The following DMXL2 variants were observed in gnomAD, a reference collection of about 807,000 sequenced individuals.
DMXL2 encodes the protein dmX-like protein 2.
In DMXL2, 103 loss-of-function variants were observed where a neutral mutation model predicts 331.1. The ratio of observed to expected loss-of-function variants is 0.31; its 90% CI spans 0.27 to 0.37. The LOEUF (loss-of-function observed/expected upper bound fraction) is 0.37. DMXL2 is among the 10% of genes least tolerant of loss of function. DMXL2 has a pLI of 1.00. For missense variants in DMXL2, 3,171 were observed against 3,642.9 expected (o/e 0.87, Z 3.33); for synonymous variants, 1,281 against 1,252.1 (o/e 1.02, Z -0.49).
chr15:51,509,777 C>T (rs2046639750), intron 15 of DMXL2, among the ~76,000 whole-genome samples: 1 of 152,148 alleles, frequency 6.6e-6, no homozygotes, highest in Non-Finnish European at 1.5e-5. Context: ...AGGCCAATAT[C>T]CCTGATGAAC....
At chr15:51,526,085 A>G (rs543241219) in intron 13 of DMXL2, among the ~76,000 whole-genome samples, 24 of 144,124 alleles carry the variant, frequency 1.7e-4, no homozygotes, top group Admixed American at 9.8e-4. Context: ...TCCCATCTCT[A>G]GATGGCTCAG....
chr15:51,456,194 C>T lies in DMXL2; in HGVS notation c.8399-1G>A, dbSNP rs1439830313. 1 of 1,608,522 alleles carries T rather than the reference C, an allele frequency of 6.2e-7. No homozygotes were observed. ...CTGCCGTCCTGAGCACCTGTAAGAT[C>T]TGAAACACAAGAGAAAAAGCAGGAA... is the stretch of plus-strand genomic sequence containing the variant. On this transcript the variant is annotated splice_acceptor_variant, in intron 38 of 43. Transcript: ENST00000560891. LOFTEE classifies it high-confidence loss of function.
rs140980056 is a variant in DMXL2 at position 51,596,880 on chromosome 15, A to G, written c.88-20699T>C. Among the ~76,000 whole-genome samples, 1,148 of 152,094 alleles carry G rather than the reference A, an allele frequency of 7.5e-3. 15 individuals carry two copies. Among genetic ancestry groups the G allele is most frequent in the African/African-American group, 0.026 (1,097 of 41,504 alleles). ...GGTGGGAACTGAACAATAAGAACAC[A>G]TGGACACAGGAAGGGGAACATCACA... On this transcript the variant is annotated intron_variant, in intron 1 of 43. Transcript: ENST00000560891.
At position 51,536,438 on chromosome 15, in the gene DMXL2, C is replaced by A. The variant is rs758267999; in HGVS notation, c.2042G>T (p.Cys681Phe). The change falls in exon 12 of 44, where the codon TGT (cysteine) becomes TTT (phenylalanine). Residue 681 changes from cysteine (C) to phenylalanine (F), a missense_variant. By Grantham distance (205) the Cys-to-Phe change is radical. Coordinates refer to ENST00000560891, the MANE Select transcript of DMXL2 (RefSeq NM_001378457.1). Reference sequence around the variant, plus strand: ...TAATTTATTGTCTGAGTCCCACTGACAATCTAATTCAGGAGTCAATAGAGC... The same window carrying A: ...TAATTTATTGTCTGAGTCCCACTGAAAATCTAATTCAGGAGTCAATAGAGC... ...HNALLTPELDCQWDSDNKLSR... is the reference protein window; with the variant it reads ...HNALLTPELDFQWDSDNKLSR... 1 of 1,613,964 alleles carries A rather than the reference C, an allele frequency of 6.2e-7. No individual in the cohort carries two copies. The highest frequency in any genetic ancestry group is 1.7e-5 in the Admixed American group (1 of 59,978).
intron 13 of DMXL2, among the ~76,000 whole-genome samples, chr15:51,521,484 T>C (rs1159767719): frequency 1.3e-5 from 2 of 150,922 alleles, no homozygotes; most frequent in Non-Finnish European, 2.9e-5. Flanking sequence ...GTAGTAGTAG[T>C]AGTAGCAGCA....
intron 18 of DMXL2, among the ~76,000 whole-genome samples, chr15:51,496,010 A>T (rs2043148970): frequency 6.6e-6 from 1 of 152,048 alleles, no homozygotes; most frequent in Non-Finnish European, 1.5e-5. Flanking sequence ...CCTAATATGT[A>T]TCTATTTATT....
In DMXL2 at chr15:51,449,017, A is replaced by T; in HGVS notation, c.9144T>A (p.Phe3048Leu). 6.2e-7 allele frequency: 1 copy of T among 1,614,190 alleles called. No homozygotes were observed. ...TLKTRVLPNA[F>L]NIPNRILDIL ...TGTCAAGAATTCTGTTAGGGATGTT[A>T]AAAGCATTGGGCAAAACCCTGGTTT... Residue 3048 changes from phenylalanine to leucine, a missense_variant, in exon 44 of 44, where the codon TTT becomes TTA. Physicochemically the swap from Phe to Leu is conservative, Grantham distance 22. Transcript: ENST00000560891.
Position 51,564,767 on chromosome 15 carries a change from T to C in DMXL2, c.364+321A>G, listed in dbSNP as rs977910106. Among the ~76,000 whole-genome samples, 7 of 152,232 alleles carry C rather than the reference T, an allele frequency of 4.6e-5. 1 individual carries two copies. The South Asian group carries it at 8.3e-4, about 18-fold the overall frequency. ...TCCTGATACAAATGATAAAATGAGG[T>C]GAAGTTTTTTTGGTCTCTGTTTTAT... On this transcript the variant is annotated intron_variant, in intron 4 of 43. Coordinates refer to ENST00000560891, the MANE Select transcript of DMXL2 (RefSeq NM_001378457.1).
At chr15:51,493,081 G>C (rs1022769705) in intron 19 of DMXL2, among the ~76,000 whole-genome samples, 5 of 151,888 alleles carry the variant, frequency 3.3e-5, no homozygotes, top group Non-Finnish European at 5.9e-5. Flanking sequence ...AACATGTCTT[G>C]GCTGCCACTA....
chr15:51,620,621 G>C (rs562582121), intron 1 of DMXL2, among the ~76,000 whole-genome samples: 1 of 152,334 alleles, frequency 6.6e-6, no homozygotes, highest in East Asian at 1.9e-4. Context: ...GCGGTGTGGA[G>C]GATGAAGAAG....
At chr15:51,513,888 T>C (rs574962067) in intron 15 of DMXL2, among the ~76,000 whole-genome samples, 1 of 152,290 alleles carries the variant, frequency 6.6e-6, no homozygotes, top group East Asian at 1.9e-4. Context: ...AGCTAAGTTA[T>C]AAAGTTTAAA....
At chr15:51,457,097 A>T (rs2039693203) in intron 37 of DMXL2, among the ~76,000 whole-genome samples, 1 of 152,204 alleles carries the variant, frequency 6.6e-6, no homozygotes, top group Non-Finnish European at 1.5e-5. Flanking sequence ...AATTGAGCCC[A>T]GGAGGTCAAG....
intron 25 of DMXL2, among the ~76,000 whole-genome samples, chr15:51,479,533 AAT>A: frequency 6.6e-6 from 1 of 152,316 alleles, no homozygotes; most frequent in Non-Finnish European, 1.5e-5. Flanking sequence ...AGGAAACAGT[AAT>A]AAGGACACTC....
In DMXL2 at chr15:51,480,986, T is replaced by C. The variant is rs138871945; in HGVS notation, c.6120A>G (p.Glu2040=). Residue 2040 remains glutamate (E), a synonymous_variant, in exon 24 of 44, where the codon GAA becomes GAG. Transcript: ENST00000560891. ...EGDTEVDVIA[E]QLKFRACLKI... is the part of the protein sequence containing the mutation. Reference sequence around the variant, plus strand: ...TTAAACAAGCTCTGAATTTTAGTTGTTCAGCAATCACATCAACTTCAGTAT... The same window carrying C: ...TTAAACAAGCTCTGAATTTTAGTTGCTCAGCAATCACATCAACTTCAGTAT... 4.5e-5 allele frequency: 72 copies of C among 1,614,062 alleles called. No homozygotes were observed. Among genetic ancestry groups the C allele is most frequent in the Non-Finnish European group, 6.0e-5 (71 of 1,180,030 alleles).
At chr15:51,496,371 C>T (rs2043179515) in intron 18 of DMXL2, among the ~76,000 whole-genome samples, 1 of 152,064 alleles carries the variant, frequency 6.6e-6, no homozygotes, top group South Asian at 2.1e-4. Context: ...CTATTTCATA[C>T]AGTGTGGCCA....
chr15:51,562,615 G>C (rs2050041062), intron 6 of DMXL2, among the ~76,000 whole-genome samples: 1 of 152,048 alleles, frequency 6.6e-6, no homozygotes, highest in Admixed American at 6.6e-5. Flanking sequence ...ACTGAGAAAA[G>C]AGTCAAAGCA....
rs750889908 is a variant in DMXL2 at position 51,535,780 on chromosome 15, T to C, written c.2319A>G (p.Thr773=). Residue 773 remains threonine (T), a synonymous_variant, in exon 13 of 44, where the codon ACA becomes ACG. Coordinates refer to ENST00000560891, the MANE Select transcript of DMXL2 (RefSeq NM_001378457.1). The stretch of plus-strand genomic sequence containing the variant: ...AGCAAGCACTTGCAGAATTGCAGTA[T>C]GTGCCTGAGAAAGGAAAACAAGGCC... ...PTLIPSYCLG[T]YCNSASACFV... The C allele has an allele frequency of 6.2e-7, 1 of 1,600,844 alleles. No homozygotes were observed. The highest frequency in any genetic ancestry group is 1.1e-5 in the South Asian group (1 of 87,998).
intron 2 of DMXL2, among the ~76,000 whole-genome samples, chr15:51,573,952 G>A (rs577775486): frequency 2.8e-3 from 424 of 152,060 alleles, no homozygotes; most frequent in African/African-American, 9.8e-3. Context: ...ATCTTTGTCA[G>A]AAACTTTATA....
In DMXL2 at chr15:51,456,155, C is replaced by T. The variant is rs776064763; in HGVS notation, c.8437G>A (p.Glu2813Lys). 1.2e-6 allele frequency: 2 copies of T among 1,614,174 alleles called. No homozygotes were observed. Among genetic ancestry groups the T allele is most frequent in the Admixed American group, 3.3e-5 (2 of 60,026 alleles). The part of the protein sequence containing the change: ...GAQDGSVRMF[E>K]WTRPQQLVCF... ...ACAAGTTGCTGAGGCCGCGTCCATTCAAACATTCGTACACTGCCGTCCTGA... is the reference window on the plus strand; with the variant it reads ...ACAAGTTGCTGAGGCCGCGTCCATTTAAACATTCGTACACTGCCGTCCTGA... The change falls in exon 39 of 44, where the codon GAA becomes AAA. Residue 2813 changes from glutamate to lysine, a missense_variant. Physicochemically the swap from Glu to Lys is moderately conservative, Grantham distance 56 (BLOSUM62 1). Coordinates refer to ENST00000560891, the MANE Select transcript of DMXL2 (RefSeq NM_001378457.1).
Sources: gnomAD v4.1 joint callset for allele counts (sites outside exome capture counted in the v4.1 genomes callset) on GRCh38, gnomAD v4.1.1 for gene constraint, MANE v1.5 for transcripts, NCBI Gene and HGNC (gene_info 2026-07-23, HGNC 2026-07-21) for gene names.